The following SYN3 variants were observed in gnomAD, a reference collection of about 807,000 sequenced individuals.
The protein encoded by SYN3 is synapsin-3.
Under a neutral mutation model 65.8 loss-of-function variants are expected in SYN3, and 35 were observed. That is an observed-to-expected ratio of 0.53 (90% CI 0.41 to 0.70). SYN3 has a LOEUF of 0.70. SYN3 is among the 30% of genes least tolerant of loss of function. The pLI, the probability that SYN3 is intolerant of heterozygous loss-of-function variation, is 0.00. For synonymous variants in SYN3, 270 were observed against 292.9 expected, an observed-to-expected ratio of 0.92 and a Z score of 0.80; for missense variants, 680 against 749.0, an observed-to-expected ratio of 0.91 and a Z score of 1.08.
At chr22:32,765,014 T>G (rs1395387677) in intron 6 of SYN3, among the ~76,000 whole-genome samples, 1 of 127,152 alleles carries the variant, frequency 7.9e-6, no homozygotes, top group Non-Finnish European at 1.7e-5. Flanking sequence ...GGCCCCATCC[T>G]GCGCCCCCAC....
At chr22:32,675,751 T>C (rs1421602368) in intron 6 of SYN3, among the ~76,000 whole-genome samples, 1 of 151,494 alleles carries the variant, frequency 6.6e-6, no homozygotes, top group Non-Finnish European at 1.5e-5. Flanking sequence ...CCTGCTTTTG[T>C]TGTTTTTCTT....
chr22:32,743,784 G>C (rs77786155), intron 6 of SYN3, among the ~76,000 whole-genome samples: 2,660 of 152,188 alleles, frequency 0.017, 66 homozygotes, highest in African/African-American at 0.059. Context: ...GGCGGCCTGA[G>C]GCAACTGCAG....
chr22:33,056,434 C>A (rs1302541660), intron 1 of SYN3, among the ~76,000 whole-genome samples: 1 of 152,294 alleles, frequency 6.6e-6, no homozygotes, highest in African/African-American at 2.4e-5. Flanking sequence ...GTGTTGGTTA[C>A]CCCAGCTCCC....
chr22:32,566,940 A>C (rs1569045097), intron 7 of SYN3, among the ~76,000 whole-genome samples: 1 of 152,122 alleles, frequency 6.6e-6, no homozygotes, highest in Non-Finnish European at 1.5e-5. Context: ...TGAAATCTAC[A>C]AAGGAGAAAA....
intron 1 of SYN3, among the ~76,000 whole-genome samples, chr22:33,048,847 C>T (rs569469569): frequency 3.3e-5 from 5 of 152,276 alleles, no homozygotes; most frequent in Admixed American, 1.3e-4. Flanking sequence ...AACTGAATGA[C>T]GGAAACCTTG....
chr22:32,903,486 C>T (rs112960555), intron 4 of SYN3, among the ~76,000 whole-genome samples: 3 of 152,310 alleles, frequency 2.0e-5, no homozygotes, highest in African/African-American at 7.2e-5. Flanking sequence ...CCTTTTCCTC[C>T]TCCTTCTGAG....
At chr22:32,913,869 A>C (rs1013247723) in intron 4 of SYN3, among the ~76,000 whole-genome samples, 2 of 152,224 alleles carry the variant, frequency 1.3e-5, no homozygotes, top group African/African-American at 4.8e-5. Flanking sequence ...AAATAGCAAA[A>C]GTCTCACTCT....
At chr22:32,987,328 T>G (rs113964507) in intron 2 of SYN3, among the ~76,000 whole-genome samples, 1,535 of 152,224 alleles carry the variant, frequency 0.01, 19 homozygotes, top group Non-Finnish European at 0.015. Flanking sequence ...ACTCAGAGAC[T>G]TTGCCAGTTA....
chr22:32,591,275 A>C (rs563278790), intron 7 of SYN3, among the ~76,000 whole-genome samples: 12 of 152,354 alleles, frequency 7.9e-5, no homozygotes, highest in African/African-American at 2.6e-4. Flanking sequence ...CTGAATAATA[A>C]GGCAAACATG....
chr22:32,980,635 T>C lies in SYN3; in HGVS notation c.369+10A>G, dbSNP rs764972331. Reference sequence around the variant, plus strand: ...CAGTTGACAGTGCTAAAGACACAGCTCCCACCTACCTGCTCCACTCGGATC... The same window carrying C: ...CAGTTGACAGTGCTAAAGACACAGCCCCCACCTACCTGCTCCACTCGGATC... On this transcript the variant is annotated intron_variant, in intron 3 of 13. Transcript: ENST00000358763. 1.2e-6 allele frequency: 2 copies of C among 1,613,662 alleles called. No homozygotes were observed. Among genetic ancestry groups the C allele is most frequent in the South Asian group, 2.2e-5 (2 of 91,066 alleles).
At chr22:32,990,593 C>G (rs2052685906) in intron 2 of SYN3, among the ~76,000 whole-genome samples, 1 of 152,176 alleles carries the variant, frequency 6.6e-6, no homozygotes, top group East Asian at 1.9e-4. Flanking sequence ...AAACAGCCCC[C>G]TTGCCATCCT....
intron 2 of SYN3, among the ~76,000 whole-genome samples, chr22:32,997,748 C>T (rs909672818): frequency 3.3e-5 from 5 of 152,036 alleles, no homozygotes; most frequent in East Asian, 1.9e-4. Flanking sequence ...TGCCACCGGC[C>T]GGGCGCGGTG....
intron 3 of SYN3, among the ~76,000 whole-genome samples, chr22:32,971,099 A>G (rs76074437): frequency 0.014 from 2,175 of 152,304 alleles, 52 homozygotes; most frequent in African/African-American, 0.05. Flanking sequence ...CAAATAGTAA[A>G]TGTTCAATAA....
At chr22:32,855,559 C>T (rs2048339317) in intron 6 of SYN3, among the ~76,000 whole-genome samples, 1 of 152,102 alleles carries the variant, frequency 6.6e-6, no homozygotes, top group South Asian at 2.1e-4. Flanking sequence ...ACTCAGGCTC[C>T]TCATCTATAA....
intron 3 of SYN3, among the ~76,000 whole-genome samples, chr22:32,965,088 C>T (rs1365075099): frequency 4.6e-5 from 7 of 152,188 alleles, no homozygotes; most frequent in Non-Finnish European, 5.9e-5. Context: ...CTAGCTGTGT[C>T]GCCTCGGGCA....
chr22:32,851,748 T>G (rs914203278), intron 6 of SYN3, among the ~76,000 whole-genome samples: 1 of 152,102 alleles, frequency 6.6e-6, no homozygotes, highest in Non-Finnish European at 1.5e-5. Flanking sequence ...CTCCCAAATC[T>G]CCCTGCCATC....
At chr22:32,656,738 C>T (rs2060146729) in intron 6 of SYN3, among the ~76,000 whole-genome samples, 2 of 151,996 alleles carry the variant, frequency 1.3e-5, no homozygotes. Context: ...TTTTCTTTTA[C>T]TGGATAGAGC....
intron 4 of SYN3, among the ~76,000 whole-genome samples, chr22:32,871,729 T>G (rs2048854536): frequency 6.6e-6 from 1 of 152,104 alleles, no homozygotes; most frequent in Admixed American, 6.5e-5. Flanking sequence ...CACATCAGCC[T>G]CCCAAGTAGC....
At chr22:32,885,248 T>A (rs765112088) in intron 4 of SYN3, among the ~76,000 whole-genome samples, 1 of 152,048 alleles carries the variant, frequency 6.6e-6, no homozygotes, top group African/African-American at 2.4e-5. Context: ...GATGACTAAA[T>A]CAATAAAGAA....
Sources: allele counts gnomAD v4.1 joint callset (sites outside exome capture counted in the v4.1 genomes callset), GRCh38; gene constraint gnomAD v4.1.1; transcripts MANE v1.5; gene names NCBI Gene and HGNC (gene_info 2026-07-23, HGNC 2026-07-21).